Variants in DGKZ observed in about 807,000 individuals in gnomAD.
The protein encoded by DGKZ is DAG kinase zeta.
DGKZ carries 45 observed loss-of-function variants against 142.5 expected under a neutral mutation model. The observed-to-expected ratio is 0.32, with a 90% CI of 0.25 to 0.40. The LOEUF (loss-of-function observed/expected upper bound fraction) is 0.40. DGKZ is among the 10% of genes least tolerant of loss of function. DGKZ has a pLI of 1.00. For missense variants in DGKZ, 755 were observed against 1,306.5 expected, an observed-to-expected ratio of 0.58 and a Z score of 6.51; for synonymous variants, 442 against 527.0, an observed-to-expected ratio of 0.84 and a Z score of 2.21.
rs141775757 is a variant in DGKZ, at chr11:46,353,042, G to A, written c.161+5222G>A. On this transcript the variant is annotated intron_variant, in intron 1 of 30. Transcript: ENST00000527911. ...GAGTGAGACCAAGGGCTCTGTGGCC[G>A]CGGAGGGGAGGGAGAGGCTGAAGAG... Among the ~76,000 whole-genome samples, 491 of 152,370 alleles carry A rather than the reference G, an allele frequency of 3.2e-3. 6 individuals are homozygous for A. The highest frequency in any genetic ancestry group is 0.011 in the African/African-American group (467 of 41,594).
chr11:46,345,631 C>T, upstream of DGKZ: 4 of 1,458,712 alleles, frequency 2.7e-6, no homozygotes, highest in Non-Finnish European at 3.6e-6. This position sits in a 1 kb window ranked among gnomAD's most constrained non-coding sequence, Gnocchi z 4.1. Flanking sequence ...ACCTCTGTCC[C>T]TCTATGAGCC....
Position 46,367,694 on chromosome 11 carries a change from G to T in DGKZ, c.313G>T (p.Val105Leu). Residue 105 changes from valine to leucine, a missense_variant, in exon 3 of 31, where the codon GTG (valine) becomes TTG (leucine). Physicochemically the swap from Val to Leu is conservative, Grantham distance 32. Around this residue, in one of 8 missense-constraint regions of DGKZ, gnomAD observed 81 missense variants for 86.5 expected, o/e 0.94. Coordinates refer to ENST00000527911, the Ensembl canonical transcript of DGKZ. The surrounding 1 kb of genome is among the most constrained non-coding windows in gnomAD (Gnocchi z 4.1). ...GGAGCACATCTGGTTCGAGACCAAC[G>T]TGTCCGGGGACTTCTGCTACGTTGG... 1 of 1,610,622 alleles carries T rather than the reference G, an allele frequency of 6.2e-7. No homozygotes were observed. Among genetic ancestry groups the T allele is most frequent in the Non-Finnish European group, 8.5e-7 (1 of 1,178,300 alleles).
Position 46,367,193 on chromosome 11 carries a change from G to C in DGKZ, c.162-98G>C. Reference sequence around the variant, plus strand: ...GCTGGGAGGCTCCTCCGCCCTCCCTGTTGCCGAGGTCACGGAAAGGGCAGA... The same window carrying C: ...GCTGGGAGGCTCCTCCGCCCTCCCTCTTGCCGAGGTCACGGAAAGGGCAGA... On this transcript the variant is annotated intron_variant, in intron 1 of 30. Transcript: ENST00000527911. This position sits in a 1 kb window ranked among gnomAD's most constrained non-coding sequence, Gnocchi z 4.1. 1 of 1,322,682 alleles carries C rather than the reference G, an allele frequency of 7.6e-7. No homozygotes were observed. Among genetic ancestry groups the C allele is most frequent in the Non-Finnish European group, 1.1e-6 (1 of 940,780 alleles). 81.9% of individuals were successfully genotyped at this position (1,322,682 alleles called of 1,614,324 possible).
chr11:46,369,571 G>C, intron 5 of DGKZ, 21 bp downstream of exon 5: 3 of 1,612,042 alleles, frequency 1.9e-6, no homozygotes, highest in Non-Finnish European at 2.5e-6. Flanking sequence ...AGGGTGGTCA[G>C]GGATGGGGCC....
chr11:46,373,818 A>G (rs913471598), intron 14 of DGKZ, among the ~76,000 whole-genome samples: 2 of 152,184 alleles, frequency 1.3e-5, no homozygotes, highest in African/African-American at 4.8e-5. Context: ...GCTTTATTCC[A>G]TAGACATGCA....
chr11:46,348,475 C>T (rs1180537158), intron 1 of DGKZ, among the ~76,000 whole-genome samples: 1 of 152,240 alleles, frequency 6.6e-6, no homozygotes, highest in Non-Finnish European at 1.5e-5. Context: ...GCCCATCCCT[C>T]TGCTAGGCAG....
chr11:46,341,141 CT>C (rs1940258676), intron 1 of DGKZ, among the ~76,000 whole-genome samples: 1 of 152,198 alleles, frequency 6.6e-6, no homozygotes, highest in Non-Finnish European at 1.5e-5. Flanking sequence ...GAGCAAGGCT[CT>C]GTCTCCAAAC....
At chr11:46,336,751 C>T (rs1940035524) in intron 1 of DGKZ, among the ~76,000 whole-genome samples, 1 of 152,060 alleles carries the variant, frequency 6.6e-6, no homozygotes, top group Non-Finnish European at 1.5e-5. Flanking sequence ...GATGGGGTTT[C>T]GCCGTGTTGC....
intron 1 of DGKZ, chr11:46,365,459 T>G (rs1943141458): frequency 1.0e-6 from 1 of 985,284 alleles, no homozygotes; most frequent in Non-Finnish European, 1.2e-6. Flanking sequence ...CCAGAAGGCT[T>G]TGCTTTTGGC....
chr11:46,366,249 C>A, intron 1 of DGKZ: 1 of 1,567,082 alleles, frequency 6.4e-7, no homozygotes, highest in South Asian at 1.2e-5. Context: ...AACAGCCAAC[C>A]GCCTGCCATG....
At chr11:46,376,268 A>G (rs1035804700) in intron 22 of DGKZ, 60 bp from the exon 23 acceptor site, 46 of 1,610,208 alleles carry the variant, frequency 2.9e-5, no homozygotes, top group Non-Finnish European at 3.8e-5. Context: ...CCCTACTCCA[A>G]GTTCCCTTCC....
intron 1 of DGKZ, among the ~76,000 whole-genome samples, chr11:46,350,526 A>G (rs1414673071): frequency 7.3e-6 from 1 of 137,580 alleles, no homozygotes; most frequent in South Asian, 2.6e-4. Context: ...ACATACACAC[A>G]TCCAGCCTTG....
At position 46,372,151 on chromosome 11, in the gene DGKZ, C is replaced by G; in HGVS notation, c.908C>G (p.Pro303Arg). 6.2e-7 allele frequency: 1 copy of G among 1,609,632 alleles called. No individual in the cohort carries two copies. Among genetic ancestry groups the G allele is most frequent in the Non-Finnish European group, 8.5e-7 (1 of 1,177,744 alleles). ...AAGCCCCTGCTGGTGTTTGTGAACC[C>G]CAAGAGTGGGGGCAACCAGGTGAAC... Residue 303 changes from proline to arginine, a missense_variant, in exon 10 of 31, where the codon CCC becomes CGC. Physicochemically the swap from Pro to Arg is moderately radical, Grantham distance 103. Around this residue, in one of 8 missense-constraint regions of DGKZ, gnomAD observed 191 missense variants for 472.1 expected, o/e 0.40. Transcript: ENST00000527911. The surrounding 1 kb of genome is among the most constrained non-coding windows in gnomAD (Gnocchi z 5.9).
chr11:46,377,398 C>G, intron 25 of DGKZ, 186 bp downstream of exon 25: 1 of 1,151,574 alleles, frequency 8.7e-7, no homozygotes, highest in Non-Finnish European at 1.2e-6. Flanking sequence ...CACGTCCACC[C>G]TGGTTCCCTC....
At chr11:46,379,416 A>G (rs554366196) in intron 29 of DGKZ, 53 bp from the exon 30 acceptor site, 6 of 1,590,974 alleles carry the variant, frequency 3.8e-6, no homozygotes, top group East Asian at 4.5e-5. Context: ...TGGGAGACAG[A>G]TGGGTGGATC....
chr11:46,375,854 G>A, exon 21 of DGKZ: 1 of 1,559,456 alleles, frequency 6.4e-7, no homozygotes, highest in African/African-American at 1.4e-5. Flanking sequence ...CCGACAGCCA[G>A]CAGCCGGTGC....
chr11:46,379,295 C>T (rs1944939296), intron 29 of DGKZ, 59 bp downstream of exon 29: 1 of 1,605,848 alleles, frequency 6.2e-7, no homozygotes, highest in Non-Finnish European at 8.5e-7. Flanking sequence ...TTTCCCCACC[C>T]CTCCCATTTT....
At chr11:46,365,477 T>C in intron 1 of DGKZ, 1 of 985,362 alleles carries the variant, frequency 1.0e-6, no homozygotes. Context: ...GGCCCAAGCC[T>C]ATTGTCACGG....
intron 25 of DGKZ, chr11:46,377,700 C>T: frequency 4.5e-6 from 1 of 221,180 alleles, no homozygotes; most frequent in South Asian, 7.0e-5. Context: ...GCACTGGGCT[C>T]CCAGCCCCCT....
Sources: allele counts gnomAD v4.1 joint callset (sites outside exome capture counted in the v4.1 genomes callset), GRCh38; gene constraint gnomAD v4.1.1; regional missense constraint gnomAD v4.1.1; non-coding constraint Gnocchi (gnomAD v3.1); transcripts MANE v1.5; gene names NCBI Gene and HGNC (gene_info 2026-07-23, HGNC 2026-07-21).